The following ZNF263 variants were observed in gnomAD, a reference collection of about 807,000 sequenced individuals.
ZNF263 encodes the protein zinc finger protein 263.
A neutral mutation model predicts 63.1 loss-of-function variants in ZNF263; 49 were observed. The observed-to-expected ratio is 0.78, with a 90% CI of 0.62 to 0.99. ZNF263 has a LOEUF of 0.99. ZNF263 is among the 50% of genes least tolerant of loss of function. ZNF263 has a pLI of 0.00. For missense variants in ZNF263, 872 were observed against 854.8 expected (o/e 1.02, Z -0.25); for synonymous variants, 352 against 324.2 (o/e 1.09, Z -0.92).
downstream of ZNF263, among the ~76,000 whole-genome samples, chr16:3,295,559 G>A (rs1959720743): frequency 2.8e-5 from 2 of 72,488 alleles, no homozygotes; most frequent in Non-Finnish European, 5.2e-5. Flanking sequence ...GGCGCGGAGG[G>A]CCGAGCTGGG....
Position 3,288,564 on chromosome 16 carries a change from G to T in ZNF263, c.880G>T (p.Ala294Ser). The change falls in exon 5 of 6, where the codon GCT becomes TCT. Residue 294 changes from alanine (A) to serine (S), a missense_variant. Transcript: ENST00000219069. ...CKEGLSPRGPAPGEEKFENLE... is the reference protein window; with the variant it reads ...CKEGLSPRGPSPGEEKFENLE... ...GGAGGGCCTGAGCCCCAGAGGCCCAGCTCCAGGTAAGGAATGAAGACAAGT... is the reference window on the plus strand; with the variant it reads ...GGAGGGCCTGAGCCCCAGAGGCCCATCTCCAGGTAAGGAATGAAGACAAGT... 1.9e-6 allele frequency: 3 copies of T among 1,608,778 alleles called. No homozygotes were observed. Among genetic ancestry groups the T allele is most frequent in the Non-Finnish European group, 2.5e-6 (3 of 1,177,326 alleles).
chr16:3,294,568 G>A (rs1202721164), downstream of ZNF263, among the ~76,000 whole-genome samples: 2 of 152,118 alleles, frequency 1.3e-5, no homozygotes, highest in Non-Finnish European at 2.9e-5. Context: ...GTTCTTGAAA[G>A]GGCGGTTAAT....
intron 4 of ZNF263, chr16:3,286,398 G>A (rs1478287502): frequency 1.1e-5 from 4 of 375,952 alleles, no homozygotes; most frequent in Non-Finnish European, 1.9e-5. Context: ...CACTTCCTAG[G>A]GCAGAGCAAA....
downstream of ZNF263, chr16:3,291,556 T>G (rs954596945): frequency 1.1e-6 from 1 of 946,404 alleles, no homozygotes; most frequent in African/African-American, 1.8e-5. Flanking sequence ...TCTCATAGAC[T>G]TACTGGGTTG....
intron 1 of ZNF263, chr16:3,298,707 T>G: frequency 3.7e-6 from 1 of 268,824 alleles, no homozygotes; most frequent in Non-Finnish European, 6.9e-6. Context: ...ACTAATGCTT[T>G]TCGCAAAGGC....
At chr16:3,298,819 A>G (rs1959841906) in intron 1 of ZNF263, 2 of 400,418 alleles carry the variant, frequency 5.0e-6, no homozygotes, top group East Asian at 7.2e-5. Context: ...AAATTTAAAG[A>G]AACACAAATG....
rs1372529563 is a variant in ZNF263 at position 3,284,995 on chromosome 16, C to T, written c.388-64C>T. On this transcript the variant is annotated intron_variant, in intron 1 of 5. Transcript: ENST00000219069. ...CTGTTGAAGGTTTGCTCTCAGTATC[C>T]TATACTAATTTCCCTTCCTCTTGGG... 26 of 1,586,438 alleles carry T rather than the reference C, an allele frequency of 1.6e-5. No homozygotes were observed. The South Asian group carries it at 2.5e-4, about 15-fold the overall frequency.
chr16:3,298,497 GCT>G (rs769858528), intron 1 of ZNF263, among the ~76,000 whole-genome samples: 13 of 152,176 alleles, frequency 8.5e-5, no homozygotes, highest in African/African-American at 2.7e-4. Flanking sequence ...AGAATTGAGT[GCT>G]TTTTATCTTT....
rs562163852 is a variant in ZNF263 at position 3,284,306 on chromosome 16, C to T, written c.387+101C>T. On this transcript the variant is annotated intron_variant, in intron 1 of 5. Coordinates refer to ENST00000219069, the MANE Select transcript of ZNF263 (RefSeq NM_005741.5). ...TTCAAGTAAATTGCCCTGAGTAGACCTTACGTGGGGAAGAGGACTTGTGAT... is the reference window on the plus strand; with the variant it reads ...TTCAAGTAAATTGCCCTGAGTAGACTTTACGTGGGGAAGAGGACTTGTGAT... The T allele has an allele frequency of 9.9e-6, 14 of 1,409,138 alleles. 1 individual carries two copies. The East Asian group carries it at 3.5e-4, about 36-fold the overall frequency. The allele number at this position is 1,409,138 out of a possible 1,614,324, so 87.3% of individuals were successfully genotyped here.
intron 4 of ZNF263, among the ~76,000 whole-genome samples, chr16:3,288,005 A>G (rs1567251217): frequency 6.6e-6 from 1 of 151,718 alleles, no homozygotes; most frequent in Non-Finnish European, 1.5e-5. Context: ...TAATCCCAGC[A>G]CTTTGGGAGG....
In ZNF263 at chr16:3,289,587, T is replaced by C. The variant is rs1959522214; in HGVS notation, c.1081T>C (p.Ser361Pro). The change falls in exon 6 of 6, where the codon TCA (serine) becomes CCA (proline). Residue 361 changes from serine to proline, a missense_variant. Coordinates refer to ENST00000219069, the MANE Select transcript of ZNF263 (RefSeq NM_005741.5). ...AATGGAGCAGGCCTTGGCAGGAGCC[T>C]CAAGTGGCAGAGAACTGGGGCGACC... is the stretch of plus-strand genomic sequence containing the variant. ...GGMEQALAGA[S>P]SGRELGRPKE... 6.2e-7 allele frequency: 1 copy of C among 1,613,938 alleles called. No homozygotes were observed. The highest frequency in any genetic ancestry group is 8.5e-7 in the Non-Finnish European group (1 of 1,180,014).
downstream of ZNF263, among the ~76,000 whole-genome samples, chr16:3,292,532 G>T (rs948658366): frequency 4.6e-5 from 7 of 152,180 alleles, no homozygotes; most frequent in African/African-American, 1.7e-4. Flanking sequence ...CAGCCAGGCT[G>T]CTGATGTCAT....
At chr16:3,289,313 C>CA in intron 5 of ZNF263, 80 bp from the exon 6 acceptor site, 2 of 1,443,692 alleles carry the variant, frequency 1.4e-6, no homozygotes, top group African/African-American at 2.8e-5. Context: ...GCTGACCTAA[C>CA]AGGCAGCGGC....
intron 1 of ZNF263, 111 bp from the exon 2 acceptor site, chr16:3,284,948 C>G: frequency 1.5e-6 from 2 of 1,368,388 alleles, no homozygotes; most frequent in Non-Finnish European, 2.0e-6. Context: ...TACCTGGGCC[C>G]AAAGGGATCG....
rs1240782746 is a variant in ZNF263 at position 3,285,666 on chromosome 16, T to A, written c.569-15T>A. ...TTAGGAATGCCATTCTCATTATAATTTCTGTCACCTTCAGCATTATCTGCT... is the reference window on the plus strand; with the variant it reads ...TTAGGAATGCCATTCTCATTATAATATCTGTCACCTTCAGCATTATCTGCT... On this transcript the variant is annotated splice_polypyrimidine_tract_variant and intron_variant, in intron 2 of 5. Transcript: ENST00000219069. 1 of 1,613,570 alleles carries A rather than the reference T, an allele frequency of 6.2e-7. No individual in the cohort carries two copies. Among genetic ancestry groups the A allele is most frequent in the South Asian group, 1.1e-5 (1 of 91,070 alleles).
Position 3,290,634 on chromosome 16 carries a change from T to A in ZNF263, c.*76T>A. The A allele has an allele frequency of 6.6e-7, 1 of 1,507,254 alleles. No individual in the cohort carries two copies. Among genetic ancestry groups the A allele is most frequent in the Non-Finnish European group, 8.8e-7 (1 of 1,136,490 alleles). The allele number at this position is 1,507,254 out of a possible 1,614,324, so 93.4% of individuals were successfully genotyped here. Reference sequence around the variant, plus strand: ...CCTGTTGGCAAGAGCTGGTATTCCCTGCCCAGCCGACCAAATGACCTCTGC... The same window carrying A: ...CCTGTTGGCAAGAGCTGGTATTCCCAGCCCAGCCGACCAAATGACCTCTGC... On this transcript the variant is annotated 3_prime_UTR_variant, in exon 6 of 6. Transcript: ENST00000219069.
chr16:3,289,380 C>G lies in ZNF263; in HGVS notation c.887-13C>G, dbSNP rs80008683. On this transcript the variant is annotated splice_polypyrimidine_tract_variant and intron_variant, in intron 5 of 5. Transcript: ENST00000219069. ...GAAATAATGTACGGGTTTGGTTTCT[C>G]TCTCTCTACCAGGAGAAGAGAAATT... The G allele has an allele frequency of 4.9e-3, 7,374 of 1,506,916 alleles. 22 individuals are homozygous for G. Among genetic ancestry groups the G allele is most frequent in the Non-Finnish European group, 5.6e-3 (6,299 of 1,128,690 alleles). The allele number at this position is 1,506,916 out of a possible 1,614,324, so 93.3% of individuals were successfully genotyped here. A position where few individuals can be genotyped will look rare whatever the true frequency, so the allele number is the denominator to read the frequency against.
chr16:3,290,069 C>T lies in ZNF263; in HGVS notation c.1563C>T (p.Pro521=), dbSNP rs1275539014. Residue 521 remains proline, a synonymous_variant, in exon 6 of 6, where the codon CCC becomes CCT. Coordinates refer to ENST00000219069, the MANE Select transcript of ZNF263 (RefSeq NM_005741.5). The stretch of plus-strand genomic sequence containing the variant: ...CTGGAGAGCGACCTTATAAGTGTCC[C>T]GAGTGTGGGAAAAGTTTCTCTCGGA... ...IHTGERPYKC[P]ECGKSFSRSS... The T allele has an allele frequency of 1.2e-5, 19 of 1,613,754 alleles. No homozygotes were observed. Among genetic ancestry groups the T allele is most frequent in the East Asian group, 2.2e-5 (1 of 44,874 alleles).
downstream of ZNF263, among the ~76,000 whole-genome samples, chr16:3,296,340 C>G (rs1039246589): frequency 3.3e-5 from 5 of 152,034 alleles, no homozygotes; most frequent in Admixed American, 6.6e-5. Context: ...ATGCAAAGAC[C>G]CAAACTAAAA....
Sources: gnomAD v4.1 joint callset for allele counts (sites outside exome capture counted in the v4.1 genomes callset) on GRCh38, gnomAD v4.1.1 for gene constraint, MANE v1.5 for transcripts, NCBI Gene and HGNC (gene_info 2026-07-23, HGNC 2026-07-21) for gene names.